The following SPAG17 variants were observed in gnomAD, a reference collection of about 807,000 sequenced individuals.
The protein encoded by SPAG17 is sperm associated antigen 17.
Under a neutral mutation model 273.6 loss-of-function variants are expected in SPAG17, and 169 were observed. The ratio of observed to expected loss-of-function variants is 0.62; its 90% CI spans 0.55 to 0.70. The LOEUF (loss-of-function observed/expected upper bound fraction) is 0.70, where lower values mean the gene tolerates loss of function less well. SPAG17 is among the 30% of genes least tolerant of loss of function. The probability of loss-of-function intolerance (pLI) is 0.00; values close to 1 mark genes in which losing one functional copy is unlikely to be tolerated. For synonymous variants in SPAG17, 825 were observed against 873.2 expected (o/e 0.94, Z 0.97); for missense variants, 2,557 against 2,627.8 (o/e 0.97, Z 0.59).
intron 3 of SPAG17, among the ~76,000 whole-genome samples, chr1:118,132,269 C>T (rs1292078350): frequency 6.6e-6 from 1 of 151,894 alleles, no homozygotes; most frequent in African/African-American, 2.4e-5. Flanking sequence ...GAGAGGAGAG[C>T]AGTGACCCAG....
chr1:118,008,467 T>A (rs1240043323), intron 30 of SPAG17, among the ~76,000 whole-genome samples: 1 of 152,168 alleles, frequency 6.6e-6, no homozygotes, highest in African/African-American at 2.4e-5. Context: ...GTTGAGAACA[T>A]CTGATTTTTC....
At chr1:118,074,000 A>T in intron 16 of SPAG17, 33 bp from the exon 17 acceptor site, 1 of 1,483,452 alleles carries the variant, frequency 6.7e-7, no homozygotes. Flanking sequence ...TTTCAGCTTT[A>T]ATTTGTTTAA....
At chr1:117,954,696 A>G in intron 48 of SPAG17, 1 of 1,489,546 alleles carries the variant, frequency 6.7e-7, no homozygotes, top group East Asian at 2.3e-5. Flanking sequence ...GAAAGGAAGT[A>G]GAGGCATTAT....
intron 48 of SPAG17, among the ~76,000 whole-genome samples, chr1:117,955,637 A>G (rs771742604): frequency 6.6e-6 from 1 of 151,992 alleles, no homozygotes; most frequent in African/African-American, 2.4e-5. Flanking sequence ...AGAAGCACCA[A>G]TTGTTAATTT....
At chr1:118,164,275 G>A (rs1660061099) in intron 1 of SPAG17, among the ~76,000 whole-genome samples, 1 of 152,080 alleles carries the variant, frequency 6.6e-6, no homozygotes, top group South Asian at 2.1e-4. Context: ...TTAATGTTCT[G>A]CCATAATCTC....
At chr1:118,134,429 T>G (rs1323962535) in intron 3 of SPAG17, among the ~76,000 whole-genome samples, 1 of 152,218 alleles carries the variant, frequency 6.6e-6, no homozygotes, top group East Asian at 1.9e-4. Context: ...ATATGAGGTA[T>G]GCTTTCTCTA....
intron 13 of SPAG17, among the ~76,000 whole-genome samples, chr1:118,084,540 A>G (rs1281097530): frequency 1.3e-5 from 2 of 152,160 alleles, no homozygotes; most frequent in Admixed American, 6.6e-5. Flanking sequence ...GTGATTCTAG[A>G]TATTGTATCT....
chr1:118,079,961 C>T (rs1247592988), intron 15 of SPAG17, among the ~76,000 whole-genome samples: 1 of 152,092 alleles, frequency 6.6e-6, no homozygotes, highest in Non-Finnish European at 1.5e-5. Context: ...TTAAAATAAA[C>T]CTATAATCAC....
chr1:118,064,851 T>G (rs1028514963), intron 18 of SPAG17, among the ~76,000 whole-genome samples: 3 of 151,874 alleles, frequency 2.0e-5, no homozygotes, highest in African/African-American at 4.8e-5. Flanking sequence ...GGATTTGGCC[T>G]TAAATGCTAA....
At chr1:118,178,686 T>C (rs562982411) in intron 1 of SPAG17, among the ~76,000 whole-genome samples, 2 of 152,124 alleles carry the variant, frequency 1.3e-5, no homozygotes, top group African/African-American at 4.8e-5. Flanking sequence ...TAGAAAAATC[T>C]AATGACTTCA....
intron 27 of SPAG17, among the ~76,000 whole-genome samples, chr1:118,024,108 A>G (rs1210272837): frequency 6.6e-6 from 1 of 152,200 alleles, no homozygotes; most frequent in Non-Finnish European, 1.5e-5. Context: ...TCCTTTAAAG[A>G]TAATTAATAT....
chr1:118,112,372 T>C lies in SPAG17; in HGVS notation c.447+2938A>G, dbSNP rs1371561817. On this transcript the variant is annotated intron_variant, in intron 4 of 48. Transcript: ENST00000336338. ...GATGAGAATATATTTGTTCAGTACA[T>C]TGCTTTTGTAAATGTTTCTTTCAGT... Among the ~76,000 whole-genome samples the C allele has an allele frequency of 4.6e-5, 7 of 152,068 alleles. No individual in the cohort carries two copies. The South Asian group carries it at 1.0e-3, about 22-fold the overall frequency.
In SPAG17 at chr1:117,971,957, G is replaced by A; in HGVS notation, c.6232C>T (p.Leu2078Phe). 6.2e-7 allele frequency: 1 copy of A among 1,614,108 alleles called. No homozygotes were observed. Among genetic ancestry groups the A allele is most frequent in the African/African-American group, 1.3e-5 (1 of 75,044 alleles). ...CCAAACTTGACTGATGATGGGAGAAGATGGAACCCAAAAAGGGATGACTTT... is the reference window on the plus strand; with the variant it reads ...CCAAACTTGACTGATGATGGGAGAAAATGGAACCCAAAAAGGGATGACTTT... ...NAKSSLFGFHLLPSSVKFGVL... is the reference protein window; with the variant it reads ...NAKSSLFGFHFLPSSVKFGVL... The change falls in exon 45 of 49, where the codon CTT (leucine) becomes TTT (phenylalanine). Residue 2078 changes from leucine (L) to phenylalanine (F), a missense_variant. Physicochemically the swap from Leu to Phe is conservative, Grantham distance 22 (BLOSUM62 0). Transcript: ENST00000336338.
At chr1:118,090,601 G>A (rs1159628587) in intron 10 of SPAG17, among the ~76,000 whole-genome samples, 1 of 152,150 alleles carries the variant, frequency 6.6e-6, no homozygotes, top group Non-Finnish European at 1.5e-5. Flanking sequence ...TGACAGAGAT[G>A]AGCCAGACAC....
intron 15 of SPAG17, among the ~76,000 whole-genome samples, chr1:118,077,916 A>G (rs1654236187): frequency 6.6e-6 from 1 of 152,198 alleles, no homozygotes; most frequent in Admixed American, 6.5e-5. Flanking sequence ...GTTTGAAGTT[A>G]GCCCTCTGTT....
In SPAG17 at chr1:117,996,398, A is replaced by T. The variant is rs1250159354; in HGVS notation, c.5025T>A (p.Val1675=). 1 of 1,612,646 alleles carries T rather than the reference A, an allele frequency of 6.2e-7. No homozygotes were observed. Among genetic ancestry groups the T allele is most frequent in the African/African-American group, 1.3e-5 (1 of 74,854 alleles). ...SLAYKESNTV[V]LQEPVQEQPG... is the part of the protein sequence containing the mutation. The stretch of plus-strand genomic sequence containing the variant: ...GCTGTTCCTGCACTGGCTCTTGGAG[A>T]ACAACAGTATTTGATTCTTTATATG... The change falls in exon 34 of 49, where the codon GTT becomes GTA. Residue 1675 remains valine (V), a synonymous_variant. Coordinates refer to ENST00000336338, the MANE Select transcript of SPAG17 (RefSeq NM_206996.4).
chr1:118,019,409 T>C (rs1423645286), intron 28 of SPAG17, among the ~76,000 whole-genome samples: 18 of 151,458 alleles, frequency 1.2e-4, no homozygotes, highest in Admixed American at 1.2e-3. Flanking sequence ...AAAAGAGAAC[T>C]GAAAGACCTA....
chr1:117,991,647 C>G (rs1657091010), intron 36 of SPAG17, 119 bp from the exon 37 acceptor site: 3 of 563,792 alleles, frequency 5.3e-6, no homozygotes, highest in Non-Finnish European at 6.0e-6. Context: ...TTACAGTGCT[C>G]AACAACTGTT....
intron 13 of SPAG17, among the ~76,000 whole-genome samples, chr1:118,082,147 T>G (rs1393446256): frequency 6.6e-6 from 1 of 152,208 alleles, no homozygotes; most frequent in Non-Finnish European, 1.5e-5. Flanking sequence ...CACTTCAAAG[T>G]TTATCAGCTT....
Sources: gnomAD v4.1 joint callset for allele counts (sites outside exome capture counted in the v4.1 genomes callset) on GRCh38, gnomAD v4.1.1 for gene constraint, MANE v1.5 for transcripts, NCBI Gene and HGNC (gene_info 2026-07-23, HGNC 2026-07-21) for gene names.